Variants in CDADC1 observed in about 807,000 individuals in gnomAD.
CDADC1 encodes the protein dCTP deaminase.
Under a neutral mutation model 54.9 loss-of-function variants are expected in CDADC1, and 39 were observed. The ratio of observed to expected loss-of-function variants is 0.71; its 90% CI spans 0.55 to 0.93. CDADC1 has a LOEUF of 0.93. Ranked by LOEUF, CDADC1 falls within the 40% of genes least tolerant of loss-of-function variation. CDADC1 has a pLI of 0.00. For missense variants in CDADC1, 518 were observed against 618.8 expected (o/e 0.84, Z 1.73); for synonymous variants, 186 against 204.0 (o/e 0.91, Z 0.75).
Position 49,267,621 on chromosome 13 carries a change from G to T in CDADC1, c.562G>T (p.Val188Leu). 1 of 1,614,160 alleles carries T rather than the reference G, an allele frequency of 6.2e-7. No homozygotes were observed. The highest frequency in any genetic ancestry group is 1.6e-4 in the Middle Eastern group (1 of 6,062). ...ATTGAAGTCAAACAGTCGGGCCCAT[G>T]TGTGTGTCTTACTTCAACCTTTGGT... is the stretch of plus-strand genomic sequence containing the variant. ...ERLKSNSRAHVCVLLQPLVCY... is the reference protein window; with the variant it reads ...ERLKSNSRAHLCVLLQPLVCY... The change falls in exon 5 of 10, where the codon GTG (valine) becomes TTG (leucine). Residue 188 changes from valine to leucine, a missense_variant. Coordinates refer to ENST00000251108, the MANE Select transcript of CDADC1 (RefSeq NM_030911.4).
chr13:49,261,702 G>T (rs1952691768), intron 4 of CDADC1, among the ~76,000 whole-genome samples: 1 of 152,224 alleles, frequency 6.6e-6, no homozygotes, highest in Admixed American at 6.5e-5. Context: ...ATCTGTTCCA[G>T]ATCAAGGGAG....
chr13:49,247,982 G>T lies in CDADC1; in HGVS notation c.-56G>T, dbSNP rs1212984685. ...GGCGAGAGGCGGGGGCGCTAGGGCC[G>T]AGATCATGTCTGACTGGGAGAGGTT... On this transcript the variant is annotated 5_prime_UTR_variant, in exon 1 of 10. Transcript: ENST00000251108. The T allele has an allele frequency of 6.7e-7, 1 of 1,491,504 alleles. No homozygotes were observed. Among genetic ancestry groups the T allele is most frequent in the Non-Finnish European group, 9.1e-7 (1 of 1,093,032 alleles). The allele number at this position is 1,491,504 out of a possible 1,614,324, so 92.4% of individuals were successfully genotyped here.
chr13:49,281,407 C>T (rs998380699), intron 8 of CDADC1, among the ~76,000 whole-genome samples: 1 of 152,156 alleles, frequency 6.6e-6, no homozygotes, highest in Admixed American at 6.5e-5. Flanking sequence ...TTGTGGAAGA[C>T]AATTTTTCCA....
chr13:49,250,742 G>A (rs1952410358), intron 2 of CDADC1, among the ~76,000 whole-genome samples: 1 of 152,348 alleles, frequency 6.6e-6, no homozygotes, highest in East Asian at 1.9e-4. Flanking sequence ...TTAACAGGAT[G>A]TGAGGATATT....
At chr13:49,264,977 ATTTGAACCTACTT>A (rs1952783447) in intron 4 of CDADC1, among the ~76,000 whole-genome samples, 3 of 152,204 alleles carry the variant, frequency 2.0e-5, no homozygotes, top group Admixed American at 2.0e-4. Flanking sequence ...CAGAACTGGT[ATTTGAACCTACTT>A]AATCTGATTC....
chr13:49,286,184 C>G, intron 8 of CDADC1, 38 bp from the exon 9 acceptor site: 2 of 1,521,716 alleles, frequency 1.3e-6, no homozygotes, highest in Non-Finnish European at 1.8e-6. Context: ...TGTATTAAAT[C>G]CTCTTTAAAC....
intron 4 of CDADC1, among the ~76,000 whole-genome samples, chr13:49,262,958 A>C (rs1482168132): frequency 6.6e-6 from 1 of 152,214 alleles, no homozygotes; most frequent in African/African-American, 2.4e-5. Flanking sequence ...AAAAGTATCA[A>C]TTTTATTAAA....
chr13:49,273,883 C>G (rs1953032639), intron 5 of CDADC1, among the ~76,000 whole-genome samples: 1 of 152,152 alleles, frequency 6.6e-6, no homozygotes, highest in Non-Finnish European at 1.5e-5. Flanking sequence ...TTGTTGTGAA[C>G]AGTTATTACA....
chr13:49,253,308 A>G (rs569528368), intron 2 of CDADC1, among the ~76,000 whole-genome samples: 5 of 152,214 alleles, frequency 3.3e-5, no homozygotes, highest in African/African-American at 1.2e-4. Flanking sequence ...CTTTTTAAAA[A>G]TTGTTTCTCA....
intron 3 of CDADC1, among the ~76,000 whole-genome samples, chr13:49,257,819 CAAAT>C (rs951843787): frequency 1.3e-5 from 2 of 152,008 alleles, no homozygotes; most frequent in African/African-American, 4.8e-5. Context: ...GACTCTGTCT[CAAAT>C]AAATAAATAA....
At chr13:49,288,655 C>A (rs1953596140) in intron 9 of CDADC1, among the ~76,000 whole-genome samples, 3 of 152,232 alleles carry the variant, frequency 2.0e-5, no homozygotes, top group Admixed American at 2.0e-4. Context: ...TGGGGCTTGA[C>A]TTTTGGGTAA....
intron 8 of CDADC1, among the ~76,000 whole-genome samples, chr13:49,281,900 C>T (rs1473755506): frequency 6.6e-6 from 1 of 151,784 alleles, no homozygotes. Context: ...TCCAGCGATT[C>T]TCCTGCCTTG....
chr13:49,268,035 G>A lies in CDADC1; in HGVS notation c.976G>A (p.Ala326Thr). 2 of 1,612,300 alleles carry A rather than the reference G, an allele frequency of 1.2e-6. No individual in the cohort carries two copies. The highest frequency in any genetic ancestry group is 1.7e-6 in the Non-Finnish European group (2 of 1,179,628). ...AATTGCAAGGCACTGCATGGTTCAG[G>A]CCAGGTTATTGGCATATCGAACTGG... ...QEIARHCMVQ[A>T]RLLAYRTEDH... The change falls in exon 5 of 10, where the codon GCC becomes ACC. Residue 326 changes from alanine to threonine, a missense_variant. Coordinates refer to ENST00000251108, the MANE Select transcript of CDADC1 (RefSeq NM_030911.4).
chr13:49,268,003 C>T lies in CDADC1; in HGVS notation c.944C>T (p.Pro315Leu). ...AATGAAATTCACAATCAAAGTTTGC[C>T]ACAGGAAATTGCAAGGCACTGCATG... is the stretch of plus-strand genomic sequence containing the variant. Reference protein sequence around the residue: ...QINEIHNQSLPQEIARHCMVQ... With the variant: ...QINEIHNQSLLQEIARHCMVQ... The change falls in exon 5 of 10, where the codon CCA becomes CTA. Residue 315 changes from proline to leucine, a missense_variant. Physicochemically the swap from Pro to Leu is moderately conservative, Grantham distance 98 (BLOSUM62 -3). Transcript: ENST00000251108. 6.2e-7 allele frequency: 1 copy of T among 1,613,872 alleles called. No homozygotes were observed. The highest frequency in any genetic ancestry group is 8.5e-7 in the Non-Finnish European group (1 of 1,180,016).
chr13:49,280,805 A>AATTAGTATTATTATT (rs1953300208), intron 8 of CDADC1, 107 bp downstream of exon 8: 1 of 227,770 alleles, frequency 4.4e-6, no homozygotes, highest in African/African-American at 2.4e-5. Context: ...AGTTTCAACA[A>AATTAGTATTATTATT]ATTATTATTA....
At chr13:49,263,341 A>G (rs770632813) in intron 4 of CDADC1, among the ~76,000 whole-genome samples, 1 of 152,148 alleles carries the variant, frequency 6.6e-6, no homozygotes, top group South Asian at 2.1e-4. Flanking sequence ...TTTTGATGGG[A>G]TTGGTGGTGA....
intron 5 of CDADC1, 29 bp from the exon 6 acceptor site, chr13:49,274,262 T>C: frequency 6.5e-7 from 1 of 1,549,892 alleles, no homozygotes; most frequent in South Asian, 1.2e-5. Context: ...TCATAATTTT[T>C]ACTGAGTTAA....
rs776855474 is a variant in CDADC1, at chr13:49,280,506, T to C, written c.1221-3T>C. On this transcript the variant is annotated splice_region_variant and splice_polypyrimidine_tract_variant and intron_variant, in intron 7 of 9. Transcript: ENST00000251108. ...TTCTGATATTTTATAATTTTTTTTG[T>C]AGGTGTCAAGAAATAAAACCAGAAG... is the stretch of plus-strand genomic sequence containing the variant. The C allele has an allele frequency of 7.2e-7, 1 of 1,381,418 alleles. No individual in the cohort carries two copies. The highest frequency in any genetic ancestry group is 1.9e-5 in the South Asian group (1 of 53,970). The allele number at this position is 1,381,418 out of a possible 1,614,324, so 85.6% of individuals were successfully genotyped here.
chr13:49,261,608 T>A (rs1310290318), intron 4 of CDADC1, among the ~76,000 whole-genome samples: 1 of 152,200 alleles, frequency 6.6e-6, no homozygotes, highest in Non-Finnish European at 1.5e-5. Context: ...GACTATTGCA[T>A]TAGGCAAGGT....
Sources: allele counts gnomAD v4.1 joint callset (sites outside exome capture counted in the v4.1 genomes callset), GRCh38; gene constraint gnomAD v4.1.1; transcripts MANE v1.5; gene names NCBI Gene and HGNC (gene_info 2026-07-23, HGNC 2026-07-21).